Variants in CSMD1 observed in about 807,000 individuals in gnomAD.
The protein encoded by CSMD1 is CUB and sushi domain-containing protein 1.
A neutral mutation model predicts 417.5 loss-of-function variants in CSMD1; 213 were observed. The ratio of observed to expected loss-of-function variants is 0.51; its 90% confidence interval spans 0.46 to 0.57. CSMD1 has a LOEUF of 0.57. Ranked by LOEUF, CSMD1 falls within the 20% of genes least tolerant of loss-of-function variation. The pLI is 0.00. For missense variants in CSMD1, 6,923 were observed against 4,529.7 expected (o/e 1.53, Z -15.17); for synonymous variants, 2,862 against 1,736.8 (o/e 1.65, Z -16.11).
chr8:3,558,848 CA>C (rs145548364), intron 10 of CSMD1, among the ~76,000 whole-genome samples: 14,610 of 151,998 alleles, frequency 0.096, 1,256 homozygotes, highest in African/African-American at 0.22. Context: ...AATGGTGTCT[CA>C]GTAGTACCCC....
At chr8:4,939,884 A>G (rs986154502) in intron 1 of CSMD1, among the ~76,000 whole-genome samples, 2 of 152,202 alleles carry the variant, frequency 1.3e-5, no homozygotes, top group Admixed American at 6.5e-5. Flanking sequence ...ATGTATACCT[A>G]TTTCTATCAG....
chr8:3,062,631 T>C (rs1173164349), intron 49 of CSMD1, among the ~76,000 whole-genome samples: 3 of 150,444 alleles, frequency 2.0e-5, no homozygotes, highest in African/African-American at 7.3e-5. Flanking sequence ...TATCTTTAGA[T>C]GTTCTAATCC....
intron 2 of CSMD1, among the ~76,000 whole-genome samples, chr8:4,515,146 C>T (rs1470662592): frequency 1.3e-5 from 2 of 152,142 alleles, no homozygotes; most frequent in African/African-American, 4.8e-5. Flanking sequence ...TGTGGTGTGG[C>T]TGTTATTATG....
intron 3 of CSMD1, among the ~76,000 whole-genome samples, chr8:4,096,235 G>T (rs1370256069): frequency 6.6e-6 from 1 of 152,002 alleles, no homozygotes; most frequent in Non-Finnish European, 1.5e-5. Flanking sequence ...ATAATAAAAA[G>T]CAACCGACTT....
At chr8:4,399,046 G>T (rs1346755873) in intron 3 of CSMD1, among the ~76,000 whole-genome samples, 2 of 152,148 alleles carry the variant, frequency 1.3e-5, no homozygotes, top group East Asian at 1.9e-4. Context: ...CAAGTGTTCT[G>T]TAAGAATCTC....
chr8:3,071,395 A>G (rs1813314393), intron 49 of CSMD1, among the ~76,000 whole-genome samples: 1 of 152,132 alleles, frequency 6.6e-6, no homozygotes, highest in Non-Finnish European at 1.5e-5. Context: ...ACAAATACCT[A>G]ATGAATGCAG....
At chr8:4,276,585 G>T (rs1367534556) in intron 3 of CSMD1, among the ~76,000 whole-genome samples, 1 of 152,062 alleles carries the variant, frequency 6.6e-6, no homozygotes, top group Non-Finnish European at 1.5e-5. Flanking sequence ...AGAACTTTAA[G>T]TATAATAAAA....
At chr8:3,274,995 C>T (rs1286081854) in intron 26 of CSMD1, among the ~76,000 whole-genome samples, 5 of 150,972 alleles carry the variant, frequency 3.3e-5, no homozygotes, top group Admixed American at 6.6e-5. Context: ...TTATTTTGCT[C>T]GTTAGTTGAT....
intron 1 of CSMD1, among the ~76,000 whole-genome samples, chr8:4,878,899 C>T (rs1342082791): frequency 3.3e-5 from 5 of 150,772 alleles, no homozygotes; most frequent in Non-Finnish European, 7.4e-5. Context: ...GATGATGCTC[C>T]GAGCAGAGAG....
chr8:3,661,974 G>A (rs187874103), intron 7 of CSMD1, among the ~76,000 whole-genome samples: 1 of 152,188 alleles, frequency 6.6e-6, no homozygotes, highest in Non-Finnish European at 1.5e-5. Flanking sequence ...ACACCCAGAG[G>A]CTGCGGGAGA....
intron 21 of CSMD1, 90 bp downstream of exon 21, chr8:3,359,062 C>A (rs543481612): frequency 2.4e-6 from 3 of 1,263,834 alleles, no homozygotes; most frequent in South Asian, 2.6e-5. Context: ...TGTCAACAAA[C>A]CCCCACCCGA....
intron 2 of CSMD1, among the ~76,000 whole-genome samples, chr8:4,582,265 C>T (rs1336339586): frequency 1.3e-5 from 2 of 152,160 alleles, no homozygotes; most frequent in South Asian, 2.1e-4. Flanking sequence ...AAAATGGTCC[C>T]GGACATGATC....
intron 21 of CSMD1, 34 bp from the exon 22 acceptor site, chr8:3,348,195 C>G (rs765421505): frequency 1.3e-6 from 2 of 1,564,246 alleles, no homozygotes; most frequent in Non-Finnish European, 8.7e-7. Flanking sequence ...AAAGAGGATT[C>G]AAAAGTGGAA....
At chr8:2,992,448 A>G (rs1806478826) in intron 54 of CSMD1, among the ~76,000 whole-genome samples, 1 of 151,634 alleles carries the variant, frequency 6.6e-6, no homozygotes, top group Admixed American at 6.6e-5. Flanking sequence ...TTTTTTAATG[A>G]AGTCTCGCTC....
chr8:4,333,458 G>C (rs7820448), intron 3 of CSMD1, among the ~76,000 whole-genome samples: 13,072 of 152,082 alleles, frequency 0.086, 1,722 homozygotes, highest in African/African-American at 0.29. Context: ...CTGAGCCTCA[G>C]TTTCCTTATC....
At chr8:3,324,342 A>C (rs1286157903) in intron 23 of CSMD1, among the ~76,000 whole-genome samples, 1 of 151,740 alleles carries the variant, frequency 6.6e-6, no homozygotes, top group African/African-American at 2.4e-5. Flanking sequence ...GTCACTGTTA[A>C]AATAGACACA....
chr8:3,279,039 G>A (rs962376527), intron 26 of CSMD1: 5 of 152,144 alleles, frequency 3.3e-5, no homozygotes, highest in African/African-American at 1.2e-4. Flanking sequence ...GGTTCTCAGG[G>A]AGATGGAGAC....
intron 8 of CSMD1, among the ~76,000 whole-genome samples, chr8:3,590,614 C>T (rs1030894013): frequency 6.6e-5 from 10 of 152,002 alleles, no homozygotes; most frequent in Non-Finnish European, 2.9e-5. Flanking sequence ...AACCTTTTTG[C>T]AAATTATCGG....
intron 4 of CSMD1, among the ~76,000 whole-genome samples, chr8:4,010,250 G>T (rs1453874809): frequency 1.3e-5 from 2 of 151,976 alleles, no homozygotes; most frequent in African/African-American, 2.4e-5. Context: ...GGTGACTCAT[G>T]GTCTTCCCTC....
Sources: gnomAD v4.1 joint callset for allele counts (sites outside exome capture counted in the v4.1 genomes callset) on GRCh38, gnomAD v4.1.1 for gene constraint, MANE v1.5 for transcripts, NCBI Gene and HGNC (gene_info 2026-07-23, HGNC 2026-07-21) for gene names.